The following MANEA variants were observed in gnomAD, a reference collection of about 807,000 sequenced individuals.
MANEA encodes mannosidase endo-alpha.
Under a neutral mutation model 36.8 loss-of-function variants are expected in MANEA, and 25 were observed. The observed-to-expected ratio is 0.68, with a 90% CI of 0.50 to 0.95. The LOEUF is 0.95. Ranked by LOEUF, MANEA falls within the 40% of genes least tolerant of loss-of-function variation. The pLI is 0.00. For synonymous variants in MANEA, 198 were observed against 188.5 expected (o/e 1.05, Z -0.41); for missense variants, 565 against 558.8 (o/e 1.01, Z -0.11).
intron 1 of MANEA, among the ~76,000 whole-genome samples, chr6:95,584,797 C>T (rs1333617178): frequency 2.6e-5 from 4 of 152,106 alleles, no homozygotes; most frequent in African/African-American, 9.7e-5. Flanking sequence ...CCCGGTGGCC[C>T]AACTGTAAAA....
chr6:95,578,789 T>G (rs1400143458), intron 1 of MANEA, among the ~76,000 whole-genome samples: 11 of 152,218 alleles, frequency 7.2e-5, no homozygotes, highest in Admixed American at 6.5e-4. Flanking sequence ...TAGGTAACAG[T>G]TAATCATTGT....
intron 1 of MANEA, among the ~76,000 whole-genome samples, chr6:95,580,450 G>A (rs554852409): frequency 6.6e-6 from 1 of 152,236 alleles, no homozygotes; most frequent in Non-Finnish European, 1.5e-5. Flanking sequence ...ATTTGGCCGG[G>A]CACGGTGGCT....
chr6:95,594,473 C>CT (rs1156522014), intron 2 of MANEA, among the ~76,000 whole-genome samples: 1 of 152,074 alleles, frequency 6.6e-6, no homozygotes, highest in Admixed American at 6.6e-5. Flanking sequence ...AAGGTAAGTG[C>CT]TTTTTATCTT....
rs1769282647 is a variant in MANEA at position 95,586,439 on chromosome 6, C to A, written c.-1C>A. On this transcript the variant is annotated 5_prime_UTR_variant, in exon 2 of 5. Transcript: ENST00000358812. ...TATTTTGGAGTTTAAAGTATGTCAT[C>A]ATGGCAAAGTTTCGGAGAAGGACTT... The A allele has an allele frequency of 1.2e-6, 2 of 1,602,430 alleles. No individual in the cohort carries two copies. Among genetic ancestry groups the A allele is most frequent in the Non-Finnish European group, 1.7e-6 (2 of 1,173,936 alleles).
rs1769734421 is a variant in MANEA, at chr6:95,607,244, C to T, written c.*839C>T. On this transcript the variant is annotated 3_prime_UTR_variant, in exon 5 of 5. Coordinates refer to ENST00000358812, the MANE Select transcript of MANEA (RefSeq NM_024641.4). ...AGTTATTAGGAAAACAGTTGTTTCA[C>T]AATTATTATGTAGATATGATGCCCA... 1 of 152,036 alleles carries T rather than the reference C, an allele frequency of 6.6e-6. No individual in the cohort carries two copies. Among genetic ancestry groups the T allele is most frequent in the African/African-American group, 2.4e-5 (1 of 41,432 alleles). The allele number at this position is 152,036 out of a possible 1,614,324, so 9.4% of individuals were successfully genotyped here. A position where few individuals can be genotyped will look rare whatever the true frequency, so the allele number is the denominator to read the frequency against.
chr6:95,587,070 C>T, intron 2 of MANEA, 87 bp downstream of exon 2: 1 of 786,262 alleles, frequency 1.3e-6, no homozygotes, highest in Non-Finnish European at 2.1e-6. Flanking sequence ...AGTTAATTTT[C>T]TCATTATTAT....
In MANEA at chr6:95,590,980, C is replaced by A. The variant is rs527501185; in HGVS notation, c.544+3997C>A. ...AGTCCCTCACTCTCTCTCTTTGCAA[C>A]CACTCAGCTCTATCCTTATAGTGTG... On this transcript the variant is annotated intron_variant, in intron 2 of 4. Transcript: ENST00000358812. Among the ~76,000 whole-genome samples, 4 of 152,276 alleles carry A rather than the reference C, an allele frequency of 2.6e-5. No individual in the cohort carries two copies. The East Asian group carries it at 5.8e-4, about 22-fold the overall frequency.
chr6:95,593,005 T>C (rs1458461731), intron 2 of MANEA, among the ~76,000 whole-genome samples: 1 of 152,196 alleles, frequency 6.6e-6, no homozygotes, highest in East Asian at 1.9e-4. Context: ...CAACATGACA[T>C]GAGTTTTTGC....
chr6:95,579,343 A>G (rs1229215277), intron 1 of MANEA, among the ~76,000 whole-genome samples: 1 of 152,228 alleles, frequency 6.6e-6, no homozygotes, highest in Non-Finnish European at 1.5e-5. Context: ...ACTGCACTTC[A>G]GCATGGCAAC....
Position 95,606,198 on chromosome 6 carries a change from C to G in MANEA, c.1182C>G (p.Pro394=). 6.2e-7 allele frequency: 1 copy of G among 1,614,048 alleles called. No individual in the cohort carries two copies. The change falls in exon 5 of 5, where the codon CCC becomes CCG. Residue 394 remains proline, a synonymous_variant. Coordinates refer to ENST00000358812, the MANE Select transcript of MANEA (RefSeq NM_024641.4). ...TGAGTGCCGCACTTCAGACACGCCC[C>G]AGCTTAATTTCTATCACCTCTTTTA... ...IGLSAALQTR[P]SLISITSFNE...
intron 2 of MANEA, among the ~76,000 whole-genome samples, chr6:95,591,911 C>G (rs1769391547): frequency 6.6e-6 from 1 of 152,164 alleles, no homozygotes; most frequent in Non-Finnish European, 1.5e-5. Context: ...ACCATGTTGT[C>G]CAGTATGGTC....
intron 3 of MANEA, among the ~76,000 whole-genome samples, chr6:95,599,803 A>G (rs1769554845): frequency 6.6e-6 from 1 of 152,198 alleles, no homozygotes; most frequent in Non-Finnish European, 1.5e-5. Context: ...AACTGTTAAG[A>G]CAGCATCTCT....
Position 95,608,178 on chromosome 6 carries a change from TTTC to T in MANEA, c.*1779_*1781del, listed in dbSNP as rs1269174258. ...CACTATATAGATCCAACCTGTGGAT[TTTC>T]TTCTTATGTCCATTTAACTAGAATA... On this transcript the variant is annotated 3_prime_UTR_variant, in exon 5 of 5. Coordinates refer to ENST00000358812, the MANE Select transcript of MANEA (RefSeq NM_024641.4). 1 of 151,836 alleles carries T rather than the reference TTTC, an allele frequency of 6.6e-6. No individual in the cohort carries two copies. The highest frequency in any genetic ancestry group is 1.5e-5 in the Non-Finnish European group (1 of 67,762). The allele number at this position is 151,836 out of a possible 1,614,324, so 9.4% of individuals were successfully genotyped here. A position where few individuals can be genotyped will look rare whatever the true frequency, so the allele number is the denominator to read the frequency against.
rs80216717 is a variant in MANEA, at chr6:95,606,825, G to A, written c.*420G>A. ...GAAGAAAAAAAGAAAACCCCTTAAA[G>A]ATAATGTACATGCTTCATGTCATGT... On this transcript the variant is annotated 3_prime_UTR_variant, in exon 5 of 5. Transcript: ENST00000358812. The A allele has an allele frequency of 0.022, 3,359 of 152,500 alleles. 59 individuals are homozygous for A. Among genetic ancestry groups the A allele is most frequent in the Middle Eastern group, 0.041 (12 of 290 alleles). The allele number at this position is 152,500 out of a possible 1,614,324, so 9.4% of individuals were successfully genotyped here. A position where few individuals can be genotyped will look rare whatever the true frequency, so the allele number is the denominator to read the frequency against.
intron 3 of MANEA, among the ~76,000 whole-genome samples, chr6:95,601,707 G>T (rs957577656): frequency 8.7e-5 from 10 of 115,484 alleles, no homozygotes; most frequent in African/African-American, 2.6e-4. Flanking sequence ...AAATTAGGCA[G>T]ATTCAGTGAT....
chr6:95,579,963 C>A (rs1434118288), intron 1 of MANEA, among the ~76,000 whole-genome samples: 1 of 152,210 alleles, frequency 6.6e-6, no homozygotes. Flanking sequence ...GTAATATTTT[C>A]TCTATGGTGA....
Position 95,606,384 on chromosome 6 carries a change from T to C in MANEA, c.1368T>C (p.Asp456=), listed in dbSNP as rs757917387. The stretch of plus-strand genomic sequence containing the variant: ...AGGAAAGAGCAACTTATGCATTAGA[T>C]CGCCAGCTGCCTGTTTCTTAATGCA... ...YSKERATYAL[D]RQLPVS Residue 456 remains aspartate, a synonymous_variant, in exon 5 of 5, where the codon GAT becomes GAC. Transcript: ENST00000358812. 8 of 1,595,816 alleles carry C rather than the reference T, an allele frequency of 5.0e-6. No individual in the cohort carries two copies.
chr6:95,596,033 T>C (rs938617724), intron 2 of MANEA, among the ~76,000 whole-genome samples: 1 of 152,144 alleles, frequency 6.6e-6, no homozygotes, highest in African/African-American at 2.4e-5. Context: ...TATCAAGTTA[T>C]GAAAAGGTAT....
intron 2 of MANEA, among the ~76,000 whole-genome samples, chr6:95,593,080 G>A (rs1021223420): frequency 1.3e-5 from 2 of 152,114 alleles, no homozygotes; most frequent in East Asian, 3.9e-4. Context: ...TAAGCAATTA[G>A]GATGACAGAA....
Sources: allele counts gnomAD v4.1 joint callset (sites outside exome capture counted in the v4.1 genomes callset), GRCh38; gene constraint gnomAD v4.1.1; transcripts MANE v1.5; gene names NCBI Gene and HGNC (gene_info 2026-07-23, HGNC 2026-07-21).